Variants in ENOX2 observed in about 807,000 individuals in gnomAD.
The protein encoded by ENOX2 is ecto-NOX disulfide-thiol exchanger 2.
A neutral mutation model predicts 45.0 loss-of-function variants in ENOX2; 36 were observed. That is an observed-to-expected ratio of 0.80 (90% CI 0.61 to 1.06). The LOEUF (loss-of-function observed/expected upper bound fraction) is 1.06, where lower values mean the gene tolerates loss of function less well. Among genes scored for constraint, ENOX2 ranks in the 50% least tolerant of loss-of-function variants. The pLI, the probability that ENOX2 is intolerant of heterozygous loss-of-function variation, is 0.00. For synonymous variants in ENOX2, 174 were observed against 152.3 expected, an observed-to-expected ratio of 1.14 and a Z score of -1.05; for missense variants, 423 against 462.5, an observed-to-expected ratio of 0.91 and a Z score of 0.78.
At chrX:130,794,647 A>G (rs1342398391) in intron 2 of ENOX2, among the ~76,000 whole-genome samples, 4 of 112,835 alleles carry the variant, frequency 3.5e-5, no homozygotes, top group Non-Finnish European at 7.5e-5. Flanking sequence ...ATAAATCTGC[A>G]TTTCAGTGTA....
chrX:130,788,521 T>G (rs932426390), intron 2 of ENOX2, among the ~76,000 whole-genome samples: 1 of 111,745 alleles, frequency 8.9e-6, no homozygotes, highest in Non-Finnish European at 1.9e-5. Flanking sequence ...AACTACCACC[T>G]ACTCTATTTT....
At chrX:130,823,892 G>A (rs764889841) in intron 2 of ENOX2, among the ~76,000 whole-genome samples, 1 of 112,009 alleles carries the variant, frequency 8.9e-6, no homozygotes, top group Non-Finnish European at 1.9e-5. Flanking sequence ...AGCCCTCCAA[G>A]AGATATTAGT....
At chrX:130,674,284 A>C (rs1235600429) in intron 6 of ENOX2, among the ~76,000 whole-genome samples, 1 of 109,943 alleles carries the variant, frequency 9.1e-6, no homozygotes, top group Non-Finnish European at 1.9e-5. Context: ...GTGCCCCCGC[A>C]TCTATAATGA....
chrX:130,642,917 C>T (rs1178942285), intron 10 of ENOX2, among the ~76,000 whole-genome samples: 3 of 111,862 alleles, frequency 2.7e-5, no homozygotes, highest in African/African-American at 9.7e-5. Flanking sequence ...TGCTTTATTG[C>T]AATATTAGCT....
intron 9 of ENOX2, among the ~76,000 whole-genome samples, chrX:130,659,671 G>A (rs1466139111): frequency 8.9e-6 from 1 of 112,560 alleles, no homozygotes; most frequent in Admixed American, 9.4e-5. Flanking sequence ...GAAAAGTCAT[G>A]GCTTTCTAGT....
chrX:130,744,368 G>A (rs898723409), intron 3 of ENOX2, among the ~76,000 whole-genome samples: 1 of 112,029 alleles, frequency 8.9e-6, no homozygotes, highest in African/African-American at 3.2e-5. Context: ...TCGTAAGATT[G>A]CTGCTATGTG....
intron 2 of ENOX2, among the ~76,000 whole-genome samples, chrX:130,821,809 T>C (rs2077617825): frequency 1.2e-5 from 1 of 82,287 alleles, no homozygotes; most frequent in Admixed American, 1.6e-4. Context: ...CTACTGCAGG[T>C]AATCCCAGCA....
chrX:130,794,366 C>T (rs1259233691), intron 2 of ENOX2, among the ~76,000 whole-genome samples: 1 of 112,237 alleles, frequency 8.9e-6, no homozygotes, highest in African/African-American at 3.2e-5. Context: ...TCCCTTCAGG[C>T]TGATTGATTT....
intron 2 of ENOX2, among the ~76,000 whole-genome samples, chrX:130,818,942 C>G (rs2077541367): frequency 8.9e-6 from 1 of 112,188 alleles, no homozygotes; most frequent in Admixed American, 9.4e-5. Flanking sequence ...AGGCAACCTA[C>G]AGAATGGGAG....
intron 3 of ENOX2, among the ~76,000 whole-genome samples, chrX:130,735,759 A>G (rs1297616610): frequency 8.9e-6 from 1 of 112,139 alleles, no homozygotes. Flanking sequence ...ATTAGATGAC[A>G]TATTTATATA....
At chrX:130,722,084 A>G (rs763001691) in intron 3 of ENOX2, among the ~76,000 whole-genome samples, 19 of 111,909 alleles carry the variant, frequency 1.7e-4, no homozygotes, top group South Asian at 7.6e-4. Flanking sequence ...TGATAAGTAT[A>G]TCAGACACAT....
chrX:130,734,945 G>C (rs1268758528), intron 3 of ENOX2, among the ~76,000 whole-genome samples: 1 of 112,105 alleles, frequency 8.9e-6, no homozygotes, highest in Non-Finnish European at 1.9e-5. Context: ...GAGTTCCTTG[G>C]GGTTAGGTGA....
At chrX:130,885,761 C>T (rs2148580938) in intron 2 of ENOX2, among the ~76,000 whole-genome samples, 1 of 112,069 alleles carries the variant, frequency 8.9e-6, no homozygotes, top group East Asian at 2.8e-4. Flanking sequence ...TTTTCATTGC[C>T]AGAAACTTAA....
intron 2 of ENOX2, among the ~76,000 whole-genome samples, chrX:130,802,572 G>A (rs946669338): frequency 2.7e-5 from 3 of 111,679 alleles, no homozygotes; most frequent in African/African-American, 9.8e-5. Flanking sequence ...GTTAAAATAC[G>A]GAATTCTAAA....
chrX:130,801,751 T>C (rs982165750), intron 2 of ENOX2, among the ~76,000 whole-genome samples: 1 of 112,033 alleles, frequency 8.9e-6, no homozygotes, highest in African/African-American at 3.2e-5. Flanking sequence ...TGTTTTCAAG[T>C]TATCACCTCC....
chrX:130,698,587 C>T (rs2037822111), intron 4 of ENOX2, among the ~76,000 whole-genome samples: 1 of 111,798 alleles, frequency 8.9e-6, no homozygotes, highest in Non-Finnish European at 1.9e-5. Flanking sequence ...ACAGTGCTCT[C>T]CTTTCTCAGG....
intron 9 of ENOX2, among the ~76,000 whole-genome samples, chrX:130,660,420 G>A (rs1202319294): frequency 2.7e-5 from 3 of 111,504 alleles, no homozygotes; most frequent in East Asian, 2.8e-4. Flanking sequence ...TGTATTCTCC[G>A]GTTGGATCAG....
intron 2 of ENOX2, among the ~76,000 whole-genome samples, chrX:130,810,505 A>G (rs746610159): frequency 8.9e-6 from 1 of 111,943 alleles, no homozygotes; most frequent in Non-Finnish European, 1.9e-5. Flanking sequence ...GCCCAGTGCC[A>G]GGCCAGCTCC....
intron 2 of ENOX2, among the ~76,000 whole-genome samples, chrX:130,839,573 G>A (rs1304264773): frequency 6.3e-5 from 7 of 111,505 alleles, no homozygotes; most frequent in Non-Finnish European, 1.3e-4. Flanking sequence ...CTAACCTCTT[G>A]CTTAAATAAT....
Sources: allele counts gnomAD v4.1 joint callset (sites outside exome capture counted in the v4.1 genomes callset), GRCh38; gene constraint gnomAD v4.1.1; transcripts MANE v1.5; gene names NCBI Gene and HGNC (gene_info 2026-07-23, HGNC 2026-07-21).